PPARA: variants seen among roughly 807,000 people sequenced by gnomAD.
PPARA encodes the protein peroxisome proliferator activated receptor alpha.
A neutral mutation model predicts 42.2 loss-of-function variants in PPARA; 22 were observed. That is an observed-to-expected ratio of 0.52 (90% confidence interval 0.37 to 0.74). PPARA has a LOEUF of 0.74. Ranked by LOEUF, PPARA falls within the 30% of genes least tolerant of loss-of-function variation. The pLI is 0.00. For missense variants in PPARA, 465 were observed against 608.2 expected (o/e 0.76, Z 2.48); for synonymous variants, 242 against 239.3 (o/e 1.01, Z -0.10).
Position 46,235,233 on chromosome 22 carries a change from C to A in PPARA, c.1260C>A (p.Ile420=). 2.5e-6 allele frequency: 4 copies of A among 1,614,102 alleles called. No homozygotes were observed. In the South Asian group the frequency reaches 3.3e-5, roughly 13 times the overall value. ...LHLQSNHPDD[I]FLFPKLLQKM... is the part of the protein sequence containing the mutation. Reference sequence around the variant, plus strand: ...TGCAGAGCAACCACCCGGACGATATCTTTCTCTTCCCAAAACTTCTTCAAA... The same window carrying A: ...TGCAGAGCAACCACCCGGACGATATATTTCTCTTCCCAAAACTTCTTCAAA... The change falls in exon 9 of 9, where the codon ATC becomes ATA. Residue 420 remains isoleucine (I), a synonymous_variant. Transcript: ENST00000407236. This position sits in a 1 kb window ranked among gnomAD's most constrained non-coding sequence, Gnocchi z 7.0.
At position 46,191,766 on chromosome 22, in the gene PPARA, T is replaced by C. The variant is rs946804089; in HGVS notation, c.-42-6576T>C. Among the ~76,000 whole-genome samples the C allele has an allele frequency of 1.2e-4, 18 of 152,062 alleles. No individual in the cohort carries two copies. Among genetic ancestry groups the C allele is most frequent in the African/African-American group, 4.3e-4 (18 of 41,392 alleles). On this transcript the variant is annotated intron_variant, in intron 3 of 8. Transcript: ENST00000407236. This position sits in a 1 kb window ranked among gnomAD's most constrained non-coding sequence, Gnocchi z 4.6. ...TTCCCAAGAGCTCCTTCTGTGCAGA[T>C]CGTTAGAAATAGATATTGAGGCCAG...
At chr22:46,202,809 G>A (rs1957617938) in intron 4 of PPARA, among the ~76,000 whole-genome samples, 1 of 149,754 alleles carries the variant, frequency 6.7e-6, no homozygotes, top group African/African-American at 2.4e-5. Flanking sequence ...GTTGCAGTGA[G>A]CCAAGATCAC....
At position 46,227,020 on chromosome 22, in the gene PPARA, G is replaced by A. The variant is rs573170956; in HGVS notation, c.712-4772G>A. 9.9e-5 allele frequency among the ~76,000 whole-genome samples: 15 copies of A among 151,928 alleles called. No individual in the cohort carries two copies. Among genetic ancestry groups the A allele is most frequent in the Middle Eastern group, 3.2e-3 (1 of 316 alleles). ...GCATAAGGGTGACCTCCAGGGTGCC[G>A]TGTTATAACAGGACTGCTCCTTTCA... On this transcript the variant is annotated intron_variant, in intron 7 of 8. Coordinates refer to ENST00000407236, the MANE Select transcript of PPARA (RefSeq NM_005036.6). This position sits in a 1 kb window ranked among gnomAD's most constrained non-coding sequence, Gnocchi z 4.3.
Position 46,218,433 on chromosome 22 carries a change from T to G in PPARA, c.508+32T>G, listed in dbSNP as rs760194367. 4.3e-6 allele frequency: 7 copies of G among 1,613,874 alleles called. No individual in the cohort carries two copies. In the Admixed American group the frequency reaches 1.2e-4, roughly 27 times the overall value. On this transcript the variant is annotated intron_variant, in intron 6 of 8. Transcript: ENST00000407236. ...AAGGTGGCCCTGCACATTTTCCCAG[T>G]TCGTTCCTCAGTTCCCCTTCCTTGC...
rs1926414477 is a variant in PPARA, at chr22:46,162,831, GGC to G, written c.-127+10862_-127+10863del. On this transcript the variant is annotated intron_variant, in intron 2 of 8. Coordinates refer to ENST00000407236, the MANE Select transcript of PPARA (RefSeq NM_005036.6). The surrounding 1 kb of genome is among the most constrained non-coding windows in gnomAD (Gnocchi z 6.0). ...GAGTTTTGTCCTTCAGATAACCTAT[GGC>G]ATTTGAGTCACTCTGATTTGATGAA... is the stretch of plus-strand genomic sequence containing the variant. Among the ~76,000 whole-genome samples the G allele has an allele frequency of 2.0e-5, 3 of 152,208 alleles. No individual in the cohort carries two copies. Among genetic ancestry groups the G allele is most frequent in the Admixed American group, 2.0e-4 (3 of 15,288 alleles).
intron 4 of PPARA, among the ~76,000 whole-genome samples, chr22:46,213,801 G>C (rs755545627): frequency 3.9e-5 from 6 of 152,204 alleles, no homozygotes; most frequent in Non-Finnish European, 7.3e-5. Flanking sequence ...GTGTTAGCCA[G>C]GATGGTCTTG....
In PPARA at chr22:46,232,842, T is replaced by A. The variant is rs1935971192; in HGVS notation, c.1159+603T>A. Among the ~76,000 whole-genome samples the A allele has an allele frequency of 6.7e-6, 1 of 148,968 alleles. No individual in the cohort carries two copies. ...AAAAAAATAGAAAAAATTAGTCAAGTATGGTGGCATGTACCTGTAGTCCCA... is the reference window on the plus strand; with the variant it reads ...AAAAAAATAGAAAAAATTAGTCAAGAATGGTGGCATGTACCTGTAGTCCCA... On this transcript the variant is annotated intron_variant, in intron 8 of 8. Coordinates refer to ENST00000407236, the MANE Select transcript of PPARA (RefSeq NM_005036.6). This position sits in a 1 kb window ranked among gnomAD's most constrained non-coding sequence, Gnocchi z 5.3.
chr22:46,186,361 T>G (rs957100503), intron 3 of PPARA, among the ~76,000 whole-genome samples: 1 of 152,182 alleles, frequency 6.6e-6, no homozygotes, highest in Non-Finnish European at 1.5e-5. Flanking sequence ...AGGGTGTATT[T>G]GTGCAACACA....
At position 46,195,229 on chromosome 22, in the gene PPARA, A is replaced by T. The variant is rs1282329819; in HGVS notation, c.-42-3113A>T. ...CAGCTACTTGCTTTCTATTGGGATG[A>T]ACCTCATGGTTAATACAGTTAGTTA... On this transcript the variant is annotated intron_variant, in intron 3 of 8. Coordinates refer to ENST00000407236, the MANE Select transcript of PPARA (RefSeq NM_005036.6). This position sits in a 1 kb window ranked among gnomAD's most constrained non-coding sequence, Gnocchi z 4.6. Among the ~76,000 whole-genome samples the T allele has an allele frequency of 6.6e-6, 1 of 152,170 alleles. No individual in the cohort carries two copies. The highest frequency in any genetic ancestry group is 1.5e-5 in the Non-Finnish European group (1 of 68,024).
chr22:46,162,822 A>G lies in PPARA; in HGVS notation c.-127+10852A>G, dbSNP rs191160374. On this transcript the variant is annotated intron_variant, in intron 2 of 8. Coordinates refer to ENST00000407236, the MANE Select transcript of PPARA (RefSeq NM_005036.6). This position sits in a 1 kb window ranked among gnomAD's most constrained non-coding sequence, Gnocchi z 6.0. ...TAGAGGCAGGAGTTTTGTCCTTCAG[A>G]TAACCTATGGCATTTGAGTCACTCT... Among the ~76,000 whole-genome samples, 127 of 152,330 alleles carry G rather than the reference A, an allele frequency of 8.3e-4. No individual in the cohort carries two copies. The highest frequency in any genetic ancestry group is 3.4e-3 in the Middle Eastern group (1 of 294).
rs1012280390 is a variant in PPARA at position 46,183,909 on chromosome 22, G to A, written c.-43+7073G>A. Among the ~76,000 whole-genome samples the A allele has an allele frequency of 6.6e-6, 1 of 152,126 alleles. No individual in the cohort carries two copies. Among genetic ancestry groups the A allele is most frequent in the Non-Finnish European group, 1.5e-5 (1 of 68,024 alleles). ...CAGAAACTAGAGGCTTGCTGCCTGA[G>A]GTCAAACCCCGGTCCCGGTGGTTCT... is the stretch of plus-strand genomic sequence containing the variant. On this transcript the variant is annotated intron_variant, in intron 3 of 8. Transcript: ENST00000407236. This position sits in a 1 kb window ranked among gnomAD's most constrained non-coding sequence, Gnocchi z 5.5.
In PPARA at chr22:46,237,264, G is replaced by A. The variant is rs1321856401; in HGVS notation, c.*1884G>A. The stretch of plus-strand genomic sequence containing the variant: ...AGAAAAAAGTGAAAGTTAGGGTTAG[G>A]ACATCCTTTTTTAAAAATTACAAAT... On this transcript the variant is annotated 3_prime_UTR_variant, in exon 9 of 9. Transcript: ENST00000407236. The surrounding 1 kb of genome is among the most constrained non-coding windows in gnomAD (Gnocchi z 6.7). 6.6e-6 allele frequency: 1 copy of A among 152,150 alleles called. No individual in the cohort carries two copies. Among genetic ancestry groups the A allele is most frequent in the Admixed American group, 6.5e-5 (1 of 15,278 alleles). 9.4% of individuals were successfully genotyped at this position (152,150 alleles called of 1,614,324 possible).
At position 46,183,824 on chromosome 22, in the gene PPARA, T is replaced by A. The variant is rs1019883235; in HGVS notation, c.-43+6988T>A. Among the ~76,000 whole-genome samples the A allele has an allele frequency of 6.6e-6, 1 of 152,158 alleles. No homozygotes were observed. The highest frequency in any genetic ancestry group is 2.4e-5 in the African/African-American group (1 of 41,436). ...GGTTGGAAGTAAAGTTGAGAAATGT[T>A]CACACTGGGAGATGACACACAGTAA... On this transcript the variant is annotated intron_variant, in intron 3 of 8. Coordinates refer to ENST00000407236, the MANE Select transcript of PPARA (RefSeq NM_005036.6). The surrounding 1 kb of genome is among the most constrained non-coding windows in gnomAD (Gnocchi z 5.5).
In PPARA at chr22:46,243,515, C is replaced by A. The variant is rs1375935541; in HGVS notation, c.*8135C>A. On this transcript the variant is annotated 3_prime_UTR_variant, in exon 9 of 9. Transcript: ENST00000407236. The surrounding 1 kb of genome is among the most constrained non-coding windows in gnomAD (Gnocchi z 5.0). ...AAAGTAATTTTTCTAGTCACATGAA[C>A]TGATTGGTTCCAGGCAATTAGAAAA... 1 of 152,038 alleles carries A rather than the reference C, an allele frequency of 6.6e-6. No individual in the cohort carries two copies. Among genetic ancestry groups the A allele is most frequent in the African/African-American group, 2.4e-5 (1 of 41,360 alleles). 9.4% of individuals were successfully genotyped at this position (152,038 alleles called of 1,614,324 possible).
rs1236900531 is a variant in PPARA, at chr22:46,162,975, T to C, written c.-127+11005T>C. Among the ~76,000 whole-genome samples, 1 of 152,270 alleles carries C rather than the reference T, an allele frequency of 6.6e-6. No individual in the cohort carries two copies. The highest frequency in any genetic ancestry group is 2.4e-5 in the African/African-American group (1 of 41,472). On this transcript the variant is annotated intron_variant, in intron 2 of 8. Coordinates refer to ENST00000407236, the MANE Select transcript of PPARA (RefSeq NM_005036.6). The surrounding 1 kb of genome is among the most constrained non-coding windows in gnomAD (Gnocchi z 6.0). ...TACTGCGTGCCAGGCACTGTCCTGCTGTGGAAAACAGCAGGCATGATTCCC... is the reference window on the plus strand; with the variant it reads ...TACTGCGTGCCAGGCACTGTCCTGCCGTGGAAAACAGCAGGCATGATTCCC...
rs750865096 is a variant in PPARA, at chr22:46,203,588, C to T, written c.208+4997C>T. Among the ~76,000 whole-genome samples the T allele has an allele frequency of 2.0e-5, 3 of 152,060 alleles. No individual in the cohort carries two copies. Among genetic ancestry groups the T allele is most frequent in the Admixed American group, 6.6e-5 (1 of 15,256 alleles). On this transcript the variant is annotated intron_variant, in intron 4 of 8. Coordinates refer to ENST00000407236, the MANE Select transcript of PPARA (RefSeq NM_005036.6). This position sits in a 1 kb window ranked among gnomAD's most constrained non-coding sequence, Gnocchi z 5.8. ...TGTCATGACCAGGAAAAATTAGGCACGTGGACACGTTGAAGGGTGAGGAGA... is the reference window on the plus strand; with the variant it reads ...TGTCATGACCAGGAAAAATTAGGCATGTGGACACGTTGAAGGGTGAGGAGA...
At position 46,187,307 on chromosome 22, in the gene PPARA, T is replaced by C. The variant is rs1930954908; in HGVS notation, c.-43+10471T>C. On this transcript the variant is annotated intron_variant, in intron 3 of 8. Coordinates refer to ENST00000407236, the MANE Select transcript of PPARA (RefSeq NM_005036.6). The surrounding 1 kb of genome is among the most constrained non-coding windows in gnomAD (Gnocchi z 4.9). ...TCATGCCTGTAATCCCTTCTCTCCATGCTCAAAACCTGCCCTCCTTGTCTT... is the reference window on the plus strand; with the variant it reads ...TCATGCCTGTAATCCCTTCTCTCCACGCTCAAAACCTGCCCTCCTTGTCTT... 6.6e-6 allele frequency among the ~76,000 whole-genome samples: 1 copy of C among 152,218 alleles called. No homozygotes were observed. The highest frequency in any genetic ancestry group is 2.4e-5 in the African/African-American group (1 of 41,456).
chr22:46,153,853 C>T (rs373641309), intron 2 of PPARA, among the ~76,000 whole-genome samples: 29 of 150,494 alleles, frequency 1.9e-4, no homozygotes, highest in African/African-American at 5.6e-4. Flanking sequence ...AGCAAGACTC[C>T]GTTTCCAAAA....
chr22:46,166,628 A>C (rs963572293), intron 2 of PPARA, among the ~76,000 whole-genome samples: 1 of 152,010 alleles, frequency 6.6e-6, no homozygotes, highest in Non-Finnish European at 1.5e-5. Context: ...CAAAAAAAAA[A>C]AAACAAAAAA....
Sources: allele counts gnomAD v4.1 joint callset (sites outside exome capture counted in the v4.1 genomes callset), GRCh38; gene constraint gnomAD v4.1.1; non-coding constraint Gnocchi (gnomAD v3.1); transcripts MANE v1.5; gene names NCBI Gene and HGNC (gene_info 2026-07-23, HGNC 2026-07-21).